NEURL4: variants seen among roughly 807,000 people sequenced by gnomAD.
NEURL4 encodes the protein neuralized-like protein 4.
In NEURL4, 45 loss-of-function variants were observed where a neutral mutation model predicts 148.0. That is an observed-to-expected ratio of 0.30 (90% confidence interval 0.24 to 0.39). The LOEUF (loss-of-function observed/expected upper bound fraction) is 0.39, where lower values mean the gene tolerates loss of function less well. Among genes scored for constraint, NEURL4 ranks in the 10% least tolerant of loss-of-function variants. The pLI is 1.00. For missense variants in NEURL4, 1,776 were observed against 2,144.0 expected, an observed-to-expected ratio of 0.83 and a Z score of 3.39; for synonymous variants, 854 against 869.0, an observed-to-expected ratio of 0.98 and a Z score of 0.30.
In NEURL4 at chr17:7,329,241, G is replaced by GGCCC; in HGVS notation, c.71_72insGGGC (p.Pro25GlyfsTer48). 1 of 1,481,330 alleles carries GGCCC rather than the reference G, an allele frequency of 6.8e-7. No homozygotes were observed. The highest frequency in any genetic ancestry group is 9.0e-7 in the Non-Finnish European group (1 of 1,115,982). 91.8% of individuals were successfully genotyped at this position (1,481,330 alleles called of 1,614,324 possible). ...CCGGTCCTGAGCCGCTCCCGCTGGGGCCCCCACCCCCGCCCGGCCCCGGTC... is the reference window on the plus strand; with the variant it reads ...CCGGTCCTGAGCCGCTCCCGCTGGGGGCCCCCCCCACCCCCGCCCGGCCCCGGTC... On this transcript the variant is annotated frameshift_variant, in exon 1 of 29. Coordinates refer to ENST00000399464, the MANE Select transcript of NEURL4 (RefSeq NM_032442.3). LOFTEE classifies it high-confidence loss of function.
Position 7,322,584 on chromosome 17 carries a change from T to C in NEURL4, c.2725+151A>G. The C allele has an allele frequency of 1.0e-6, 1 of 994,316 alleles. No homozygotes were observed. The highest frequency in any genetic ancestry group is 1.5e-6 in the Non-Finnish European group (1 of 663,402). 61.6% of individuals were successfully genotyped at this position (994,316 alleles called of 1,614,324 possible). On this transcript the variant is annotated intron_variant, in intron 16 of 28. Coordinates refer to ENST00000399464, the MANE Select transcript of NEURL4 (RefSeq NM_032442.3). This position sits in a 1 kb window ranked among gnomAD's most constrained non-coding sequence, Gnocchi z 5.5. ...GTACCAGGTGTAACCTCCCCCTCAC[T>C]GGCTGCTTGCCACCGTGGGCTGTCC...
rs149352861 is a variant in NEURL4, at chr17:7,325,596, C to T, written c.1366+45G>A. The stretch of plus-strand genomic sequence containing the variant: ...TGAGGTACAGCCCCCAGTCCCAGCC[C>T]CACCGAAAGCCCCGGCCCAGAGGCT... On this transcript the variant is annotated intron_variant, in intron 7 of 28. Transcript: ENST00000399464. The T allele has an allele frequency of 6.8e-4, 1,091 of 1,598,580 alleles. 7 individuals are homozygous for T. The African/African-American group carries it at 0.013, about 19-fold the overall frequency.
rs553730517 is a variant in NEURL4, at chr17:7,326,956, A to G, written c.847T>C (p.Tyr283His). The change falls in exon 4 of 29, where the codon TAC becomes CAC. Residue 283 changes from tyrosine (Y) to histidine (H), a missense_variant. Transcript: ENST00000399464. This position sits in a 1 kb window ranked among gnomAD's most constrained non-coding sequence, Gnocchi z 6.0. Reference protein sequence around the residue: ...EVVSNTILSAYNGGLLNVNLS... With the variant: ...EVVSNTILSAHNGGLLNVNLS... ...TTCACATTCAGGAGCCCTCCATTGT[A>G]GGCAGACAGGATGGTGTTGCTCACC... 6.2e-7 allele frequency: 1 copy of G among 1,613,484 alleles called. No homozygotes were observed. Among genetic ancestry groups the G allele is most frequent in the East Asian group, 2.2e-5 (1 of 44,872 alleles).
At position 7,318,632 on chromosome 17, in the gene NEURL4, C is replaced by T; in HGVS notation, c.3727G>A (p.Gly1243Ser). 6.2e-7 allele frequency: 1 copy of T among 1,613,518 alleles called. No homozygotes were observed. The highest frequency in any genetic ancestry group is 8.5e-7 in the Non-Finnish European group (1 of 1,179,700). ...TCCAGCCGCAGTCCCAGGATGGTGC[C>T]TTCAGGGCACGTGTCCAGATTGGGC... Reference protein sequence around the residue: ...FGPNLDTCPEGTILGLRLDSS... With the variant: ...FGPNLDTCPESTILGLRLDSS... The change falls in exon 23 of 29, where the codon GGC becomes AGC. Residue 1243 changes from glycine (G) to serine (S), a missense_variant. Physicochemically the swap from Gly to Ser is moderately conservative, Grantham distance 56. Coordinates refer to ENST00000399464, the MANE Select transcript of NEURL4 (RefSeq NM_032442.3). The surrounding 1 kb of genome is among the most constrained non-coding windows in gnomAD (Gnocchi z 4.3).
chr17:7,328,438 C>G (rs2073131276), intron 1 of NEURL4, among the ~76,000 whole-genome samples: 1 of 151,308 alleles, frequency 6.6e-6, no homozygotes. Flanking sequence ...CTCACTCACT[C>G]TATTGCCCAG....
At chr17:7,325,573 A>G in intron 7 of NEURL4, 68 bp downstream of exon 7, 1 of 1,585,658 alleles carries the variant, frequency 6.3e-7, no homozygotes, top group Non-Finnish European at 8.7e-7. Context: ...CAGGAGGATG[A>G]GGTACAGCCC....
Position 7,327,918 on chromosome 17 carries a change from G to A in NEURL4, c.283-34C>T. 1.3e-6 allele frequency: 2 copies of A among 1,501,344 alleles called. No individual in the cohort carries two copies. Among genetic ancestry groups the A allele is most frequent in the Non-Finnish European group, 1.8e-6 (2 of 1,113,490 alleles). The allele number at this position is 1,501,344 out of a possible 1,614,324, so 93.0% of individuals were successfully genotyped here. ...GGGGTATTGGACAGAGGCTTAGAAT[G>A]GGCCACCCCCCATTCCACAGGCCAC... On this transcript the variant is annotated intron_variant, in intron 1 of 28. Coordinates refer to ENST00000399464, the MANE Select transcript of NEURL4 (RefSeq NM_032442.3). The surrounding 1 kb of genome is among the most constrained non-coding windows in gnomAD (Gnocchi z 6.6).
rs1353767707 is a variant in NEURL4 at position 7,326,248 on chromosome 17, C to T, written c.1293+7G>A. 1 of 1,613,686 alleles carries T rather than the reference C, an allele frequency of 6.2e-7. No individual in the cohort carries two copies. Among genetic ancestry groups the T allele is most frequent in the Admixed American group, 1.7e-5 (1 of 59,986 alleles). On this transcript the variant is annotated splice_region_variant and intron_variant, in intron 6 of 28. Coordinates refer to ENST00000399464, the MANE Select transcript of NEURL4 (RefSeq NM_032442.3). The surrounding 1 kb of genome is among the most constrained non-coding windows in gnomAD (Gnocchi z 6.0). ...AAGCGGCCCAGGGATCTGTGCCCCACCCTCACCTGCAACTCATCCAGACTG... is the reference window on the plus strand; with the variant it reads ...AAGCGGCCCAGGGATCTGTGCCCCATCCTCACCTGCAACTCATCCAGACTG...
intron 8 of NEURL4, 65 bp downstream of exon 8, chr17:7,325,144 T>TTGGGGGGGGGCGG: frequency 1.0e-6 from 1 of 956,488 alleles, no homozygotes; most frequent in Non-Finnish European, 1.5e-6. Flanking sequence ...TCCACTTCCT[T>TTGGGGGGGGGCGG]GCCCCGCCCC....
rs765944978 is a variant in NEURL4 at position 7,326,795 on chromosome 17, C to T, written c.1008G>A (p.Thr336=). ...TLIKLSNNNK[T]AERRRPLDEF... ...CATCCAGGGGCCGCCGGCGCTCAGC[C>T]GTCTTATTATTGTTGCTGAGTTTGA... The change falls in exon 4 of 29, where the codon ACG becomes ACA. Residue 336 remains threonine, a synonymous_variant. Coordinates refer to ENST00000399464, the MANE Select transcript of NEURL4 (RefSeq NM_032442.3). This position sits in a 1 kb window ranked among gnomAD's most constrained non-coding sequence, Gnocchi z 6.0. The T allele has an allele frequency of 6.2e-6, 10 of 1,612,982 alleles. No homozygotes were observed. Among genetic ancestry groups the T allele is most frequent in the South Asian group, 1.1e-5 (1 of 90,954 alleles).
chr17:7,326,234 G>T lies in NEURL4; in HGVS notation c.1293+21C>A. 6.2e-7 allele frequency: 1 copy of T among 1,610,834 alleles called. No homozygotes were observed. Among genetic ancestry groups the T allele is most frequent in the Non-Finnish European group, 8.5e-7 (1 of 1,177,612 alleles). On this transcript the variant is annotated intron_variant, in intron 6 of 28. Transcript: ENST00000399464. The surrounding 1 kb of genome is among the most constrained non-coding windows in gnomAD (Gnocchi z 6.0). ...TGTGGCTCTGCTGAAAGCGGCCCAG[G>T]GATCTGTGCCCCACCCTCACCTGCA...
intron 14 of NEURL4, 109 bp from the exon 15 acceptor site, chr17:7,323,232 G>T: frequency 1.6e-6 from 2 of 1,241,650 alleles, no homozygotes. Flanking sequence ...CTGGTGTCTT[G>T]ATCTGGGTGT....
chr17:7,321,418 C>G lies in NEURL4; in HGVS notation c.3141G>C (p.Thr1047=), dbSNP rs755048701. The G allele has an allele frequency of 6.2e-7, 1 of 1,614,040 alleles. No homozygotes were observed. The highest frequency in any genetic ancestry group is 8.5e-7 in the Non-Finnish European group (1 of 1,180,038). The change falls in exon 19 of 29, where the codon ACG becomes ACC. Residue 1047 remains threonine (T), a synonymous_variant. Coordinates refer to ENST00000399464, the MANE Select transcript of NEURL4 (RefSeq NM_032442.3). This position sits in a 1 kb window ranked among gnomAD's most constrained non-coding sequence, Gnocchi z 6.3. The part of the protein sequence containing the change: ...RVGVRRGADD[T]MHILVDGEDM... ...CCTCTCCATCCACCAGGATGTGCAT[C>G]GTGTCATCTGCCCCCCGACGAACAC...
In NEURL4 at chr17:7,324,759, C is replaced by G. The variant is rs1333997666; in HGVS notation, c.1813+40G>C. The stretch of plus-strand genomic sequence containing the variant: ...CCAGGGCTTTGGGGATAGCTTCCCC[C>G]CAAAACCCTATCCTGTCCCTGCCCT... On this transcript the variant is annotated intron_variant, in intron 9 of 28. Coordinates refer to ENST00000399464, the MANE Select transcript of NEURL4 (RefSeq NM_032442.3). The surrounding 1 kb of genome is among the most constrained non-coding windows in gnomAD (Gnocchi z 5.9). The G allele has an allele frequency of 1.4e-5, 22 of 1,606,752 alleles. No individual in the cohort carries two copies. The highest frequency in any genetic ancestry group is 2.7e-5 in the African/African-American group (2 of 74,802).
In NEURL4 at chr17:7,329,216, C is replaced by G; in HGVS notation, c.97G>C (p.Gly33Arg). The G allele has an allele frequency of 6.4e-7, 1 of 1,551,574 alleles. No individual in the cohort carries two copies. The highest frequency in any genetic ancestry group is 1.2e-5 in the South Asian group (1 of 84,950). ...GGPSGSGSGP[G>R]SNGGLGSGGE... The stretch of plus-strand genomic sequence containing the variant: ...CCGCTGCCCAGACCCCCGTTGGACC[C>G]CGGTCCTGAGCCGCTCCCGCTGGGG... The change falls in exon 1 of 29, where the codon GGG becomes CGG. Residue 33 changes from glycine to arginine, a missense_variant. By Grantham distance (125) the Gly-to-Arg change is moderately radical. Transcript: ENST00000399464.
chr17:7,325,158 C>G (rs3809815), intron 8 of NEURL4, 51 bp downstream of exon 8: 12 of 750,860 alleles, frequency 1.6e-5, no homozygotes, highest in South Asian at 7.8e-5. Flanking sequence ...CCGCCCCCCC[C>G]CCCCCATTAG....
chr17:7,316,107 AGTG>A lies in NEURL4; in HGVS notation c.*13_*15del, dbSNP rs2072940410. 2 of 1,282,640 alleles carry A rather than the reference AGTG, an allele frequency of 1.6e-6. No individual in the cohort carries two copies. Among genetic ancestry groups the A allele is most frequent in the African/African-American group, 1.5e-5 (1 of 68,482 alleles). The allele number at this position is 1,282,640 out of a possible 1,614,324, so 79.5% of individuals were successfully genotyped here. A position where few individuals can be genotyped will look rare whatever the true frequency, so the allele number is the denominator to read the frequency against. On this transcript the variant is annotated 3_prime_UTR_variant, in exon 29 of 29. Transcript: ENST00000399464. The stretch of plus-strand genomic sequence containing the variant: ...CCCGCGGCCCGACTGTGCTTGTAGT[AGTG>A]GTGTCTCACCCCTCATTCCACCCGT...
In NEURL4 at chr17:7,318,223, G is replaced by C; in HGVS notation, c.3952+46C>G. ...ACAGGAGCTGGGCTAGAAGGGTGAG[G>C]GTGGGGGAGTAGGGGCAGGAGCTGG... is the stretch of plus-strand genomic sequence containing the variant. On this transcript the variant is annotated intron_variant, in intron 24 of 28. Coordinates refer to ENST00000399464, the MANE Select transcript of NEURL4 (RefSeq NM_032442.3). This position sits in a 1 kb window ranked among gnomAD's most constrained non-coding sequence, Gnocchi z 4.3. 1.9e-6 allele frequency: 3 copies of C among 1,611,472 alleles called. No individual in the cohort carries two copies. Among genetic ancestry groups the C allele is most frequent in the South Asian group, 1.1e-5 (1 of 91,030 alleles).
chr17:7,319,852 C>G (rs560468283), intron 21 of NEURL4, among the ~76,000 whole-genome samples: 2 of 151,688 alleles, frequency 1.3e-5, no homozygotes, highest in Admixed American at 1.3e-4. Context: ...TTTATTGAGA[C>G]GGAGTCTCGC....
Sources: allele counts gnomAD v4.1 joint callset (sites outside exome capture counted in the v4.1 genomes callset), GRCh38; gene constraint gnomAD v4.1.1; non-coding constraint Gnocchi (gnomAD v3.1); transcripts MANE v1.5; gene names NCBI Gene and HGNC (gene_info 2026-07-23, HGNC 2026-07-21).